Variants in CDKAL1 observed in about 807,000 individuals in gnomAD.
CDKAL1 encodes the protein threonylcarbamoyladenosine tRNA methylthiotransferase.
In CDKAL1, 32 loss-of-function variants were observed where a neutral mutation model predicts 68.2. The observed-to-expected ratio is 0.47, with a 90% confidence interval of 0.35 to 0.63. The LOEUF is 0.63. CDKAL1 is among the 30% of genes least tolerant of loss of function. The pLI is 0.00. For missense variants in CDKAL1, 606 were observed against 696.7 expected, an observed-to-expected ratio of 0.87 and a Z score of 1.47; for synonymous variants, 234 against 244.3, an observed-to-expected ratio of 0.96 and a Z score of 0.39.
chr6:20,554,633 C>T (rs1763964731), intron 4 of CDKAL1, among the ~76,000 whole-genome samples: 1 of 152,188 alleles, frequency 6.6e-6, no homozygotes, highest in African/African-American at 2.4e-5. Context: ...GTGATTCTTA[C>T]ACGTTTTTGG....
Position 20,714,085 on chromosome 6 carries a change from A to T in CDKAL1, c.372-25434A>T, listed in dbSNP as rs561540422. On this transcript the variant is annotated intron_variant, in intron 5 of 15. Transcript: ENST00000274695. The stretch of plus-strand genomic sequence containing the variant: ...ACTTAAGAAATAAAGAAAAAGCAGG[A>T]TCTATCGACCAGGATGAAAGATGTT... Among the ~76,000 whole-genome samples the T allele has an allele frequency of 2.0e-5, 3 of 151,388 alleles. No homozygotes were observed. The East Asian group carries it at 5.9e-4, about 30-fold the overall frequency.
chr6:20,800,397 A>G (rs1415776396), intron 8 of CDKAL1, among the ~76,000 whole-genome samples: 2 of 152,200 alleles, frequency 1.3e-5, no homozygotes, highest in Admixed American at 6.5e-5. Context: ...ACAAATCTCT[A>G]GTTCCAGAAA....
rs927350350 is a variant in CDKAL1 at position 20,539,329 on chromosome 6, C to T, written c.-6+3935C>T. Among the ~76,000 whole-genome samples, 2 of 152,134 alleles carry T rather than the reference C, an allele frequency of 1.3e-5. No individual in the cohort carries two copies. Among genetic ancestry groups the T allele is most frequent in the African/African-American group, 4.8e-5 (2 of 41,412 alleles). ...AATGTGCTAGACATAGTTCTAGGCACCTGGGATAAAACAGTGAACACCTCA... is the reference window on the plus strand; with the variant it reads ...AATGTGCTAGACATAGTTCTAGGCATCTGGGATAAAACAGTGAACACCTCA... On this transcript the variant is annotated intron_variant, in intron 2 of 15. Transcript: ENST00000274695. This position sits in a 1 kb window ranked among gnomAD's most constrained non-coding sequence, Gnocchi z 4.3.
intron 12 of CDKAL1, among the ~76,000 whole-genome samples, chr6:21,069,230 T>C (rs186063376): frequency 6.6e-6 from 1 of 152,190 alleles, no homozygotes; most frequent in Non-Finnish European, 1.5e-5. Context: ...CTTTCTCTTC[T>C]TCCCAAGCTC....
intron 15 of CDKAL1, among the ~76,000 whole-genome samples, chr6:21,207,726 A>C (rs907058826): frequency 7.9e-5 from 12 of 152,194 alleles, no homozygotes; most frequent in African/African-American, 2.9e-4. Flanking sequence ...TAGGATATAC[A>C]TGGAAATGGC....
intron 4 of CDKAL1, among the ~76,000 whole-genome samples, chr6:20,618,071 G>A (rs1182413267): frequency 1.3e-5 from 2 of 151,996 alleles, no homozygotes; most frequent in East Asian, 1.9e-4. Context: ...CATCCTCTCT[G>A]GCATCTGTTG....
intron 2 of CDKAL1, 74 bp from the exon 3 acceptor site, chr6:20,546,271 GA>G (rs1763598992): frequency 2.6e-6 from 3 of 1,133,554 alleles, no homozygotes; most frequent in Middle Eastern, 2.2e-4. Context: ...CAAATTTGGT[GA>G]GAATATTTCA....
chr6:21,230,788 T>C, intron 15 of CDKAL1, 60 bp from the exon 16 acceptor site: 3 of 1,329,596 alleles, frequency 2.3e-6, no homozygotes, highest in Middle Eastern at 2.5e-4. Context: ...TTGATTGATA[T>C]CACAACAGGG....
intron 2 of CDKAL1, among the ~76,000 whole-genome samples, chr6:20,540,937 A>G (rs1581695562): frequency 6.6e-6 from 1 of 152,170 alleles, no homozygotes; most frequent in Non-Finnish European, 1.5e-5. Context: ...GCCTGAAACT[A>G]GAGAAGAGTT....
chr6:21,125,152 A>T (rs142132798), intron 13 of CDKAL1, among the ~76,000 whole-genome samples: 15 of 152,290 alleles, frequency 9.8e-5, no homozygotes, highest in Admixed American at 2.0e-4. Flanking sequence ...GGGAGAAGCC[A>T]GGTGGAGGTG....
rs182602878 is a variant in CDKAL1, at chr6:21,090,036, T to C, written c.1237-18365T>C. ...GGGTTATCCTCATTCTTTGAATTTATGGAGAGACATCATCTAGTCATTAAT... is the reference window on the plus strand; with the variant it reads ...GGGTTATCCTCATTCTTTGAATTTACGGAGAGACATCATCTAGTCATTAAT... On this transcript the variant is annotated intron_variant, in intron 12 of 15. Transcript: ENST00000274695. Among the ~76,000 whole-genome samples the C allele has an allele frequency of 2.1e-4, 32 of 152,328 alleles. 1 individual carries two copies. Among genetic ancestry groups the C allele is most frequent in the Admixed American group, 1.8e-3 (27 of 15,298 alleles).
At chr6:20,668,611 A>G (rs996787780) in intron 5 of CDKAL1, among the ~76,000 whole-genome samples, 1 of 152,238 alleles carries the variant, frequency 6.6e-6, no homozygotes, top group Non-Finnish European at 1.5e-5. Context: ...AAAATAGTGC[A>G]AAGACTTCCC....
At chr6:21,063,904 G>A (rs1317619040) in intron 11 of CDKAL1, among the ~76,000 whole-genome samples, 1 of 152,014 alleles carries the variant, frequency 6.6e-6, no homozygotes, top group African/African-American at 2.4e-5. Flanking sequence ...TCAACCTAAA[G>A]CCCATGAGTC....
intron 9 of CDKAL1, among the ~76,000 whole-genome samples, chr6:20,890,846 T>A (rs2150577975): frequency 6.6e-6 from 1 of 152,326 alleles, no homozygotes; most frequent in East Asian, 1.9e-4. Context: ...AGCTTAAAAT[T>A]CAATATAATA....
intron 5 of CDKAL1, among the ~76,000 whole-genome samples, chr6:20,728,041 TCTTTG>T (rs1388371817): frequency 2.2e-4 from 34 of 152,362 alleles, no homozygotes; most frequent in African/African-American, 7.9e-4. Context: ...GCTTTTCTGT[TCTTTG>T]CTTTTGTTTT....
intron 2 of CDKAL1, among the ~76,000 whole-genome samples, chr6:20,542,742 T>TA (rs1763437636): frequency 6.6e-6 from 1 of 152,230 alleles, no homozygotes. Context: ...TTGACATTGA[T>TA]ACAGTCAGGA....
At chr6:21,021,242 T>C (rs1195649739) in intron 11 of CDKAL1, among the ~76,000 whole-genome samples, 2 of 152,212 alleles carry the variant, frequency 1.3e-5, no homozygotes, top group Non-Finnish European at 2.9e-5. Context: ...AAAATGAGGA[T>C]AATTACATCC....
chr6:20,782,430 T>C (rs373987633), intron 8 of CDKAL1, among the ~76,000 whole-genome samples: 10 of 152,320 alleles, frequency 6.6e-5, no homozygotes, highest in African/African-American at 1.9e-4. Flanking sequence ...CACATATTCA[T>C]TCTGTCTGTC....
intron 10 of CDKAL1, among the ~76,000 whole-genome samples, chr6:20,988,287 C>T (rs1766597524): frequency 6.6e-6 from 1 of 150,918 alleles, no homozygotes; most frequent in Non-Finnish European, 1.5e-5. Flanking sequence ...TTGGATGCTA[C>T]CCACCCATTG....
Sources: gnomAD v4.1 joint callset for allele counts (sites outside exome capture counted in the v4.1 genomes callset) on GRCh38, gnomAD v4.1.1 for gene constraint, Gnocchi (gnomAD v3.1) non-coding constraint, MANE v1.5 for transcripts, NCBI Gene and HGNC (gene_info 2026-07-23, HGNC 2026-07-21) for gene names.